CSF1: variants seen among roughly 807,000 people sequenced by gnomAD.
CSF1 encodes colony stimulating factor 1, also known as macrophage colony-stimulating factor 1.
CSF1 carries 9 observed loss-of-function variants against 48.9 expected under a neutral mutation model. The observed-to-expected ratio is 0.18, with a 90% CI of 0.11 to 0.32. CSF1 has a LOEUF of 0.32. CSF1 is among the 10% of genes least tolerant of loss of function. The pLI is 1.00. For synonymous variants in CSF1, 305 were observed against 284.1 expected (o/e 1.07, Z -0.74); for missense variants, 672 against 697.9 (o/e 0.96, Z 0.42).
chr1:109,911,125 G>C (rs1277689689), intron 1 of CSF1, 63 bp downstream of exon 1: 1 of 952,816 alleles, frequency 1.0e-6, no homozygotes, highest in Non-Finnish European at 1.3e-6. Flanking sequence ...CGGCCAGGCG[G>C]CCGGGAGCGG....
At chr1:109,912,377 T>C (rs1454684802) in intron 1 of CSF1, among the ~76,000 whole-genome samples, 1 of 152,098 alleles carries the variant, frequency 6.6e-6, no homozygotes, top group Non-Finnish European at 1.5e-5. Flanking sequence ...AGAGATTCCT[T>C]CTGAGGGCTG....
chr1:109,921,740 G>A (rs918515831), intron 4 of CSF1, 107 bp from the exon 5 acceptor site: 12 of 1,369,110 alleles, frequency 8.8e-6, no homozygotes, highest in Non-Finnish European at 1.1e-5. Flanking sequence ...GGAAACAAAA[G>A]GGAAAAAGAA....
intron 1 of CSF1, among the ~76,000 whole-genome samples, chr1:109,912,475 C>T (rs967105252): frequency 6.6e-6 from 1 of 152,132 alleles, no homozygotes; most frequent in Admixed American, 6.5e-5. Flanking sequence ...AGAGTGTTAA[C>T]CCCCCACTGT....
In CSF1 at chr1:109,923,968, G is replaced by C; in HGVS notation, c.1347G>C (p.Arg449=). 1 of 1,614,234 alleles carries C rather than the reference G, an allele frequency of 6.2e-7. No individual in the cohort carries two copies. ...AGGGCAGGAGGAGCACCAGGGATCG[G>C]AGGAGCCCCGCAGAGCCAGAAGGAG... ...ELEGRRSTRD[R]RSPAEPEGGP... The change falls in exon 6 of 9, where the codon CGG becomes CGC. Residue 449 remains arginine (R), a synonymous_variant. Coordinates refer to ENST00000329608, the MANE Select transcript of CSF1 (RefSeq NM_000757.6).
chr1:109,911,211 C>T, intron 1 of CSF1, 149 bp downstream of exon 1: 1 of 391,348 alleles, frequency 2.6e-6, no homozygotes, highest in Non-Finnish European at 3.5e-6. Flanking sequence ...CGCCTTTGCG[C>T]ACGGACTGGG....
intron 1 of CSF1, among the ~76,000 whole-genome samples, chr1:109,912,018 A>T (rs1654710763): frequency 6.6e-6 from 1 of 151,922 alleles, no homozygotes. Flanking sequence ...AAAGAGCAGA[A>T]AATTATTTGG....
intron 4 of CSF1, among the ~76,000 whole-genome samples, chr1:109,917,915 C>T (rs1331664687): frequency 6.6e-6 from 1 of 152,144 alleles, no homozygotes; most frequent in African/African-American, 2.4e-5. Flanking sequence ...GGTGGTGAGA[C>T]AGTTAACAAA....
chr1:109,922,042 A>C lies in CSF1; in HGVS notation c.544+48A>C, dbSNP rs181284402. Reference sequence around the variant, plus strand: ...AGTGTGTGGGGGTGGTAGCATATGGAATGGGGATTGGGAGGTGAGATGTGA... The same window carrying C: ...AGTGTGTGGGGGTGGTAGCATATGGCATGGGGATTGGGAGGTGAGATGTGA... On this transcript the variant is annotated intron_variant, in intron 5 of 8. Transcript: ENST00000329608. 2.0e-5 allele frequency: 30 copies of C among 1,536,376 alleles called. No homozygotes were observed. In the East Asian group the frequency reaches 6.9e-4, roughly 36 times the overall value.
chr1:109,918,086 G>A (rs1291744403), intron 4 of CSF1, among the ~76,000 whole-genome samples: 1 of 152,206 alleles, frequency 6.6e-6, no homozygotes, highest in East Asian at 1.9e-4. Context: ...CATGGAGTTG[G>A]GGAAGCAGAG....
Position 109,923,323 on chromosome 1 carries a change from C to T in CSF1, c.702C>T (p.Leu234=), listed in dbSNP as rs776556568. 4.3e-6 allele frequency: 7 copies of T among 1,612,724 alleles called. No homozygotes were observed. Among genetic ancestry groups the T allele is most frequent in the Non-Finnish European group, 5.1e-6 (6 of 1,179,264 alleles). Residue 234 remains leucine (L), a synonymous_variant, in exon 6 of 9, where the codon CTC becomes CTT. Transcript: ENST00000329608. ...EDSEGTEGSS[L]LPGEQPLHTV... is the part of the protein sequence containing the mutation. The stretch of plus-strand genomic sequence containing the variant: ...CTGAGGGAACTGAGGGCAGCTCCCT[C>T]TTGCCTGGTGAGCAGCCCCTGCACA...
At chr1:109,925,229 C>T in intron 8 of CSF1, 27 bp downstream of exon 8, 1 of 1,597,696 alleles carries the variant, frequency 6.3e-7, no homozygotes, top group Non-Finnish European at 8.6e-7. Flanking sequence ...GATCTCCACT[C>T]CTAAAACTTA....
intron 8 of CSF1, among the ~76,000 whole-genome samples, chr1:109,927,995 A>G (rs1334632472): frequency 2.6e-5 from 4 of 152,118 alleles, no homozygotes; most frequent in Non-Finnish European, 5.9e-5. Context: ...CCTCTAGAGC[A>G]TGGGAATGGG....
chr1:109,920,499 A>G (rs1647481249), intron 4 of CSF1, among the ~76,000 whole-genome samples: 1 of 152,070 alleles, frequency 6.6e-6, no homozygotes, highest in African/African-American at 2.4e-5. Flanking sequence ...TTGTCTTTTT[A>G]GTAAAGACAA....
At chr1:109,921,356 G>C (rs747525723) in intron 4 of CSF1, among the ~76,000 whole-genome samples, 2 of 152,098 alleles carry the variant, frequency 1.3e-5, no homozygotes, top group Admixed American at 6.5e-5. Flanking sequence ...ACTTTTGCAC[G>C]GTCTGTTCTT....
intron 7 of CSF1, 22 bp from the exon 8 acceptor site, chr1:109,925,125 C>T (rs774147739): frequency 6.2e-7 from 1 of 1,612,138 alleles, no homozygotes; most frequent in African/African-American, 1.3e-5. Context: ...TGTCTAATAC[C>T]AGCCCTGTGC....
intron 1 of CSF1, 131 bp downstream of exon 1, chr1:109,911,193 G>A (rs1654667563): frequency 5.8e-6 from 3 of 515,096 alleles, no homozygotes; most frequent in Non-Finnish European, 7.5e-6. Context: ...TTCCCGCCGC[G>A]GACGAACCGC....
Position 109,921,832 on chromosome 1 carries a change from C to A in CSF1, c.397-15C>A. On this transcript the variant is annotated splice_polypyrimidine_tract_variant and intron_variant, in intron 4 of 8. Coordinates refer to ENST00000329608, the MANE Select transcript of CSF1 (RefSeq NM_000757.6). ...ATGGTCATGCTCACAAAAGGGGGCC[C>A]TGATCTCCTTCCAGGCCTGCGTCCG... 6.5e-7 allele frequency: 1 copy of A among 1,548,540 alleles called. No individual in the cohort carries two copies. Among genetic ancestry groups the A allele is most frequent in the Non-Finnish European group, 8.8e-7 (1 of 1,140,404 alleles).
intron 4 of CSF1, among the ~76,000 whole-genome samples, chr1:109,918,487 G>A (rs1240159679): frequency 6.6e-6 from 1 of 152,208 alleles, no homozygotes; most frequent in African/African-American, 2.4e-5. Flanking sequence ...GTGAGTCCAG[G>A]CTAGACACAT....
intron 1 of CSF1, 51 bp from the exon 2 acceptor site, chr1:109,914,208 A>T (rs1203877949): frequency 6.5e-7 from 1 of 1,546,028 alleles, no homozygotes; most frequent in East Asian, 2.3e-5. Flanking sequence ...GGGCATGGGG[A>T]TAACTGGGGA....
Sources: gnomAD v4.1 joint callset for allele counts (sites outside exome capture counted in the v4.1 genomes callset) on GRCh38, gnomAD v4.1.1 for gene constraint, MANE v1.5 for transcripts, NCBI Gene and HGNC (gene_info 2026-07-23, HGNC 2026-07-21) for gene names.